Variants in ADAM12 observed in about 807,000 individuals in gnomAD.
ADAM12 encodes the protein disintegrin and metalloproteinase domain-containing protein 12.
In ADAM12, 70 loss-of-function variants were observed where a neutral mutation model predicts 106.4. That is an observed-to-expected ratio of 0.66 (90% confidence interval 0.54 to 0.80). The LOEUF is 0.80. Among genes scored for constraint, ADAM12 ranks in the 30% least tolerant of loss-of-function variants. The pLI, the probability that ADAM12 is intolerant of heterozygous loss-of-function variation, is 0.00. For synonymous variants in ADAM12, 420 were observed against 433.5 expected (o/e 0.97, Z 0.39); for missense variants, 1,010 against 1,171.9 (o/e 0.86, Z 2.02).
intron 3 of ADAM12, among the ~76,000 whole-genome samples, chr10:126,276,840 T>C (rs942480101): frequency 2.6e-5 from 4 of 152,218 alleles, no homozygotes; most frequent in African/African-American, 9.7e-5. Flanking sequence ...TAAGTCACCT[T>C]TTAAAACGAT....
At chr10:126,343,277 T>G (rs557919835) in intron 1 of ADAM12, among the ~76,000 whole-genome samples, 2 of 150,570 alleles carry the variant, frequency 1.3e-5, no homozygotes, top group African/African-American at 4.9e-5. Context: ...GAACATGCGG[T>G]GTTTGGTTTT....
chr10:126,146,045 C>G (rs1001994045), intron 4 of ADAM12, among the ~76,000 whole-genome samples: 2 of 152,138 alleles, frequency 1.3e-5, no homozygotes, highest in African/African-American at 4.8e-5. Context: ...GGTGCGGGGT[C>G]TGGATTAAAG....
intron 11 of ADAM12, among the ~76,000 whole-genome samples, chr10:126,086,680 A>AAAATATATATATATAT (rs1554966976): frequency 4.1e-5 from 1 of 24,268 alleles, no homozygotes; most frequent in Non-Finnish European, 5.9e-5. Flanking sequence ...AAAAAAAAAA[A>AAAATATATATATATAT]ATATATATAT....
intron 3 of ADAM12, among the ~76,000 whole-genome samples, chr10:126,188,620 G>A (rs560086660): frequency 6.6e-6 from 1 of 152,274 alleles, no homozygotes; most frequent in East Asian, 1.9e-4. Flanking sequence ...ATCAGTCACA[G>A]GCATCTTCTG....
chr10:126,312,204 A>G (rs1158332510), intron 2 of ADAM12, among the ~76,000 whole-genome samples: 3 of 151,344 alleles, frequency 2.0e-5, no homozygotes, highest in African/African-American at 7.3e-5. Context: ...CACGGTTTGC[A>G]TTTTCTGTAC....
intron 14 of ADAM12, among the ~76,000 whole-genome samples, chr10:126,061,957 G>A (rs1410419043): frequency 6.6e-6 from 1 of 152,184 alleles, no homozygotes; most frequent in African/African-American, 2.4e-5. Context: ...ACAAGGGGAG[G>A]AAGGAGCACA....
intron 3 of ADAM12, among the ~76,000 whole-genome samples, chr10:126,170,444 C>G (rs1480631669): frequency 6.7e-6 from 1 of 148,678 alleles, no homozygotes; most frequent in Non-Finnish European, 1.5e-5. Flanking sequence ...AAAAAGAGGG[C>G]GGGGGGGGAG....
intron 1 of ADAM12, among the ~76,000 whole-genome samples, chr10:126,350,346 G>A (rs1855306207): frequency 6.6e-6 from 1 of 152,196 alleles, no homozygotes; most frequent in African/African-American, 2.4e-5. Context: ...GCCACATGGA[G>A]AGAAACTCTC....
Position 126,155,266 on chromosome 10 carries a change from C to A in ADAM12, c.300G>T (p.Leu100=). The part of the protein sequence containing the change: ...IASSFTETHY[L]QDGTDVSLAR... ...CGAGGGAGACATCAGTACCGTCTTG[C>A]AGATAGTGGGTTTCCGTGAAACTGC... is the stretch of plus-strand genomic sequence containing the variant. The change falls in exon 4 of 23, where the codon CTG becomes CTT. Residue 100 remains leucine (L), a synonymous_variant. Transcript: ENST00000448723. The A allele has an allele frequency of 1.2e-6, 2 of 1,614,138 alleles. No homozygotes were observed. The highest frequency in any genetic ancestry group is 1.7e-6 in the Non-Finnish European group (2 of 1,180,026).
intron 1 of ADAM12, among the ~76,000 whole-genome samples, chr10:126,368,649 T>A (rs1855999936): frequency 6.9e-6 from 1 of 144,350 alleles, no homozygotes; most frequent in African/African-American, 2.6e-5. Context: ...GTAAGTTTGT[T>A]GTTGTTGTTG....
intron 3 of ADAM12, among the ~76,000 whole-genome samples, chr10:126,265,963 C>A (rs910419159): frequency 1.3e-5 from 2 of 151,998 alleles, no homozygotes; most frequent in Admixed American, 6.6e-5. Flanking sequence ...AAATTTTTAT[C>A]TTTTAGGTGT....
At chr10:126,325,424 G>A (rs955410215) in intron 2 of ADAM12, among the ~76,000 whole-genome samples, 1 of 152,234 alleles carries the variant, frequency 6.6e-6, no homozygotes, top group Non-Finnish European at 1.5e-5. Flanking sequence ...GATGGTTATT[G>A]GAGGGGAGAG....
intron 3 of ADAM12, among the ~76,000 whole-genome samples, chr10:126,193,620 G>A (rs1416723985): frequency 6.6e-6 from 1 of 152,200 alleles, no homozygotes; most frequent in African/African-American, 2.4e-5. Context: ...GAGAGGGCCA[G>A]GTGCGGTGGC....
At chr10:126,273,902 A>T (rs1181446758) in intron 3 of ADAM12, among the ~76,000 whole-genome samples, 1 of 152,218 alleles carries the variant, frequency 6.6e-6, no homozygotes, top group Admixed American at 6.5e-5. Flanking sequence ...AGGTGGGCAG[A>T]TCGCTGGAGG....
intron 21 of ADAM12, among the ~76,000 whole-genome samples, chr10:126,028,810 C>G (rs1590304824): frequency 6.6e-6 from 1 of 151,610 alleles, no homozygotes; most frequent in Non-Finnish European, 1.5e-5. Context: ...AGAGTGTCTG[C>G]AGCAAAAGAA....
At chr10:126,117,612 C>T (rs559327735) in intron 6 of ADAM12, among the ~76,000 whole-genome samples, 6 of 152,050 alleles carry the variant, frequency 3.9e-5, no homozygotes, top group South Asian at 2.1e-4. Flanking sequence ...TGTAGTCTTT[C>T]ACCTCCAGTA....
At position 126,043,021 on chromosome 10, in the gene ADAM12, A is replaced by G. The variant is rs752532724; in HGVS notation, c.2104+19T>C. ...AGGTGCTCAGCCTCCTCCCACCGGG[A>G]TGCAGGGGCTTCACTGACCTGCTTG... is the stretch of plus-strand genomic sequence containing the variant. On this transcript the variant is annotated intron_variant, in intron 18 of 22. Transcript: ENST00000448723. The surrounding 1 kb of genome is among the most constrained non-coding windows in gnomAD (Gnocchi z 4.1). 7 of 1,612,438 alleles carry G rather than the reference A, an allele frequency of 4.3e-6. No homozygotes were observed. The highest frequency in any genetic ancestry group is 5.1e-6 in the Non-Finnish European group (6 of 1,179,188).
chr10:126,097,043 GC>G (rs1281786710), intron 10 of ADAM12, among the ~76,000 whole-genome samples: 4 of 152,100 alleles, frequency 2.6e-5, no homozygotes, highest in Non-Finnish European at 5.9e-5. Context: ...TGGGTTACAG[GC>G]CCATTTCAGC....
chr10:126,172,326 G>C (rs1422274925), intron 3 of ADAM12, among the ~76,000 whole-genome samples: 2 of 152,124 alleles, frequency 1.3e-5, no homozygotes, highest in Non-Finnish European at 2.9e-5. Flanking sequence ...TGGAACTTCA[G>C]ACTCTGGTTA....
Sources: gnomAD v4.1 joint callset for allele counts (sites outside exome capture counted in the v4.1 genomes callset) on GRCh38, gnomAD v4.1.1 for gene constraint, Gnocchi (gnomAD v3.1) non-coding constraint, MANE v1.5 for transcripts, NCBI Gene and HGNC (gene_info 2026-07-23, HGNC 2026-07-21) for gene names.